OR3A1: variants seen among roughly 807,000 people sequenced by gnomAD.
OR3A1 encodes olfactory receptor family 3 subfamily A member 1.
For missense variants in OR3A1, 402 were observed against 393.8 expected, an observed-to-expected ratio of 1.02 and a Z score of -0.18; for synonymous variants, 145 against 160.0, an observed-to-expected ratio of 0.91 and a Z score of 0.71.
chr17:3,292,587 T>G lies in OR3A1; in HGVS notation c.-5A>C. 1.3e-6 allele frequency: 2 copies of G among 1,592,312 alleles called. No homozygotes were observed. On this transcript the variant is annotated splice_region_variant and 5_prime_UTR_variant, in exon 2 of 2. Coordinates refer to ENST00000323404, the MANE Select transcript of OR3A1 (RefSeq NM_002550.3). ...GGCCCCAGATTCTGGCTGCATGAGT[T>G]CCTGCAAAGAAACATCCAGGGAGGA...
At position 3,292,286 on chromosome 17, in the gene OR3A1, G is replaced by T; in HGVS notation, c.297C>A (p.Ala99=). The T allele has an allele frequency of 6.2e-7, 1 of 1,614,180 alleles. No homozygotes were observed. Among genetic ancestry groups the T allele is most frequent in the South Asian group, 1.1e-5 (1 of 91,084 alleles). ...GGAAGAAGAAGAGCTGGGTAAGGCA[G>T]GCCCCACAGGGAACTGCACGCTTGC... is the stretch of plus-strand genomic sequence containing the variant. ...LSRKRAVPCG[A]CLTQLFFFHL... is the part of the protein sequence containing the mutation. Residue 99 remains alanine, a synonymous_variant, in exon 2 of 2, where the codon GCC becomes GCA. Transcript: ENST00000323404.
In OR3A1 at chr17:3,292,430, A is replaced by G. The variant is rs1307617134; in HGVS notation, c.153T>C (p.Ala51=). The change falls in exon 2 of 2, where the codon GCT becomes GCC. Residue 51 remains alanine, a synonymous_variant. Transcript: ENST00000323404. ...TGTGGAGTTTGGGCTCCACCAAGAC[A>G]GCTGCCAGGATGCTGAGGTTGCCCC... ...TVRGNLSILA[A]VLVEPKLHTP... 1 of 1,614,020 alleles carries G rather than the reference A, an allele frequency of 6.2e-7. No homozygotes were observed. The highest frequency in any genetic ancestry group is 8.5e-7 in the Non-Finnish European group (1 of 1,179,986).
At position 3,291,849 on chromosome 17, in the gene OR3A1, C is replaced by A. The variant is rs1250808941; in HGVS notation, c.734G>T (p.Gly245Val). The part of the protein sequence containing the change: ...EGRKKAFSTC[G>V]SHLTVVAIFY... ...TATGGCAACCACAGTGAGGTGGGAG[C>A]CACATGTGGAGAAGGCTTTCTTCCT... The change falls in exon 2 of 2, where the codon GGC (glycine) becomes GTC (valine). Residue 245 changes from glycine (G) to valine (V), a missense_variant. By Grantham distance (109) the Gly-to-Val change is moderately radical. Transcript: ENST00000323404. 8 of 1,614,036 alleles carry A rather than the reference C, an allele frequency of 5.0e-6. No individual in the cohort carries two copies. Among genetic ancestry groups the A allele is most frequent in the Non-Finnish European group, 6.8e-6 (8 of 1,179,880 alleles).
Position 3,292,664 on chromosome 17 carries a change from C to T in OR3A1, c.-6-76G>A, listed in dbSNP as rs1413490155. 3.2e-6 allele frequency: 4 copies of T among 1,268,060 alleles called. No individual in the cohort carries two copies. In the South Asian group the frequency reaches 4.5e-5, roughly 14 times the overall value. The allele number at this position is 1,268,060 out of a possible 1,614,324, so 78.6% of individuals were successfully genotyped here. ...TTTACTCAAGAAAAAGAAACAGACC[C>T]CCTTCTACTTGCCCGGCCCTCTGCC... On this transcript the variant is annotated intron_variant, in intron 1 of 1. Transcript: ENST00000323404.
Position 3,292,358 on chromosome 17 carries a change from C to A in OR3A1, c.225G>T (p.Gly75=), listed in dbSNP as rs770247541. ...FLGNLSVLDV[G]CISVTVPSML... ...TTGATGGAACAGTGACGCTGATGCA[C>A]CCAACATCCAGCACTGATAGGTTCC... Residue 75 remains glycine, a synonymous_variant, in exon 2 of 2, where the codon GGG becomes GGT. Transcript: ENST00000323404. The A allele has an allele frequency of 6.2e-7, 1 of 1,614,094 alleles. No homozygotes were observed. The highest frequency in any genetic ancestry group is 2.2e-5 in the East Asian group (1 of 44,882).
intron 1 of OR3A1, among the ~76,000 whole-genome samples, chr17:3,295,957 G>C (rs1275224680): frequency 6.6e-6 from 1 of 152,102 alleles, no homozygotes; most frequent in Non-Finnish European, 1.5e-5. Context: ...CAGGGTAACA[G>C]TGGATTTTAG....
rs2048885810 is a variant in OR3A1 at position 3,292,553 on chromosome 17, T to A, written c.30A>T (p.Thr10=). Residue 10 remains threonine, a synonymous_variant, in exon 2 of 2, where the codon ACA becomes ACT. Transcript: ENST00000323404. ...CCAGCAGGATGAACTCAGCAATGAC[T>A]GTTCCATTGGCCCCAGATTCTGGCT... MQPESGANG[T]VIAEFILLGL... is the part of the protein sequence containing the mutation. 1 of 1,611,486 alleles carries A rather than the reference T, an allele frequency of 6.2e-7. No individual in the cohort carries two copies. Among genetic ancestry groups the A allele is most frequent in the African/African-American group, 1.3e-5 (1 of 74,808 alleles).
At position 3,292,232 on chromosome 17, in the gene OR3A1, C is replaced by T. The variant is rs776053776; in HGVS notation, c.351G>A (p.Leu117=). Residue 117 remains leucine, a synonymous_variant, in exon 2 of 2, where the codon CTG becomes CTA. Coordinates refer to ENST00000323404, the MANE Select transcript of OR3A1 (RefSeq NM_002550.3). The stretch of plus-strand genomic sequence containing the variant: ...ATCGGTCATAGGCCATGGCGGTCAG[C>T]AGGAAGCAGTCCACTCCAACGAACA... ...FHLFVGVDCF[L]LTAMAYDRFL... The T allele has an allele frequency of 2.5e-6, 4 of 1,614,112 alleles. No individual in the cohort carries two copies.
intron 1 of OR3A1, among the ~76,000 whole-genome samples, chr17:3,297,729 A>C (rs1053913541): frequency 2.7e-5 from 4 of 147,802 alleles, no homozygotes; most frequent in Admixed American, 2.0e-4. Flanking sequence ...AGGGTTCAAT[A>C]TTTCTGAAAT....
At position 3,292,382 on chromosome 17, in the gene OR3A1, C is replaced by G; in HGVS notation, c.201G>C (p.Gly67=). 1 of 1,614,044 alleles carries G rather than the reference C, an allele frequency of 6.2e-7. No homozygotes were observed. Among genetic ancestry groups the G allele is most frequent in the Non-Finnish European group, 8.5e-7 (1 of 1,179,992 alleles). ...KLHTPMYFFL[G]NLSVLDVGCI... ...ACCCAACATCCAGCACTGATAGGTTCCCCAGGAAGAAGTACATGGGGGTGT... is the reference window on the plus strand; with the variant it reads ...ACCCAACATCCAGCACTGATAGGTTGCCCAGGAAGAAGTACATGGGGGTGT... Residue 67 remains glycine, a synonymous_variant, in exon 2 of 2, where the codon GGG becomes GGC. Coordinates refer to ENST00000323404, the MANE Select transcript of OR3A1 (RefSeq NM_002550.3).
intron 1 of OR3A1, 88 bp from the exon 2 acceptor site, chr17:3,292,676 C>A: frequency 8.8e-7 from 1 of 1,131,018 alleles, no homozygotes; most frequent in East Asian, 2.5e-5. Flanking sequence ...CTTCTACTTG[C>A]CCGGCCCTCT....
At position 3,292,320 on chromosome 17, in the gene OR3A1, A is replaced by G. The variant is rs149271851; in HGVS notation, c.263T>C (p.Leu88Pro). The G allele has an allele frequency of 1.9e-6, 3 of 1,614,032 alleles. No homozygotes were observed. The African/African-American group carries it at 4.0e-5, about 22-fold the overall frequency. The change falls in exon 2 of 2, where the codon CTC becomes CCC. Residue 88 changes from leucine to proline, a missense_variant. Leu to Pro is a moderately conservative substitution (Grantham distance 98). Coordinates refer to ENST00000323404, the MANE Select transcript of OR3A1 (RefSeq NM_002550.3). ...SVTVPSMLSR[L>P]LSRKRAVPCG... is the part of the protein sequence containing the mutation. ...GGGAACTGCACGCTTGCGGGACAGG[A>G]GACGACTCAACATTGATGGAACAGT...
intron 1 of OR3A1, among the ~76,000 whole-genome samples, chr17:3,297,233 G>A (rs1357121636): frequency 6.6e-6 from 1 of 152,166 alleles, no homozygotes; most frequent in Admixed American, 6.5e-5. Flanking sequence ...CACCCTCTGA[G>A]TCTAATCATC....
intron 1 of OR3A1, 120 bp from the exon 2 acceptor site, chr17:3,292,708 T>G (rs138245279): frequency 1.3e-6 from 1 of 797,136 alleles, no homozygotes; most frequent in African/African-American, 1.7e-5. Flanking sequence ...TCTGTACAAG[T>G]AAGGAATTTT....
At position 3,294,921 on chromosome 17, in the gene OR3A1, T is replaced by C. The variant is rs950115782; in HGVS notation, c.-6-2333A>G. Among the ~76,000 whole-genome samples, 9 of 152,164 alleles carry C rather than the reference T, an allele frequency of 5.9e-5. No individual in the cohort carries two copies. In the East Asian group the frequency reaches 1.2e-3, roughly 20 times the overall value. The stretch of plus-strand genomic sequence containing the variant: ...CAAGGAAAGTTACAAACATTAGCCA[T>C]TGTTGAAGAAAGCAGACTTCAGAGT... On this transcript the variant is annotated intron_variant, in intron 1 of 1. Coordinates refer to ENST00000323404, the MANE Select transcript of OR3A1 (RefSeq NM_002550.3).
chr17:3,292,209 C>T lies in OR3A1; in HGVS notation c.374G>A (p.Arg125Gln), dbSNP rs703903. Residue 125 changes from arginine to glutamine, a missense_variant, in exon 2 of 2, where the codon CGA (arginine) becomes CAA (glutamine). By Grantham distance (43) the Arg-to-Gln change is conservative. Transcript: ENST00000323404. ...GAGGGGCCGGCAGATGGCCAGGAAT[C>T]GGTCATAGGCCATGGCGGTCAGCAG... ...CFLLTAMAYD[R>Q]FLAICRPLTY... The T allele has an allele frequency of 0.55, 887,243 of 1,613,732 alleles. 251,615 individuals carry two copies. The highest frequency in any genetic ancestry group is 0.96 in the East Asian group (42,925 of 44,838).
At position 3,291,488 on chromosome 17, in the gene OR3A1, G is replaced by A. The variant is rs2048866106; in HGVS notation, c.*147C>T. On this transcript the variant is annotated 3_prime_UTR_variant, in exon 2 of 2. Coordinates refer to ENST00000323404, the MANE Select transcript of OR3A1 (RefSeq NM_002550.3). ...TTATAATTGGACAGGGCTGCTTTCA[G>A]AAATGAAAACTATTATTCCCTACAA... is the stretch of plus-strand genomic sequence containing the variant. 1 of 619,026 alleles carries A rather than the reference G, an allele frequency of 1.6e-6. No homozygotes were observed. Among genetic ancestry groups the A allele is most frequent in the East Asian group, 2.8e-5 (1 of 36,124 alleles). 38.3% of individuals were successfully genotyped at this position (619,026 alleles called of 1,614,324 possible).
intron 1 of OR3A1, among the ~76,000 whole-genome samples, chr17:3,293,167 G>A (rs201811193): frequency 1.5e-5 from 2 of 132,248 alleles, no homozygotes; most frequent in African/African-American, 2.6e-5. Context: ...AAAAAAAAAA[G>A]GGTGGGTAGG....
rs1324460975 is a variant in OR3A1, at chr17:3,292,575, G to A, written c.8C>T (p.Pro3Leu). 1 of 1,601,778 alleles carries A rather than the reference G, an allele frequency of 6.2e-7. No individual in the cohort carries two copies. Among genetic ancestry groups the A allele is most frequent in the Admixed American group, 1.7e-5 (1 of 58,324 alleles). ...GACTGTTCCATTGGCCCCAGATTCT[G>A]GCTGCATGAGTTCCTGCAAAGAAAC... MQ[P>L]ESGANGTVIA... The change falls in exon 2 of 2, where the codon CCA (proline) becomes CTA (leucine). Residue 3 changes from proline (P) to leucine (L), a missense_variant. By Grantham distance (98) the Pro-to-Leu change is moderately conservative. Transcript: ENST00000323404.
Sources: gnomAD v4.1 joint callset for allele counts (sites outside exome capture counted in the v4.1 genomes callset) on GRCh38, gnomAD v4.1.1 for gene constraint, MANE v1.5 for transcripts, NCBI Gene and HGNC (gene_info 2026-07-23, HGNC 2026-07-21) for gene names.